OPCML: variants seen among roughly 807,000 people sequenced by gnomAD.
The protein encoded by OPCML is opioid-binding protein/cell adhesion molecule.
In OPCML, 13 loss-of-function variants were observed where a neutral mutation model predicts 37.8. The observed-to-expected ratio is 0.34, with a 90% confidence interval of 0.22 to 0.55. The LOEUF is 0.55. Among genes scored for constraint, OPCML ranks in the 20% least tolerant of loss-of-function variants. OPCML has a pLI of 0.91. For synonymous variants in OPCML, 176 were observed against 168.8 expected (o/e 1.04, Z -0.33); for missense variants, 341 against 435.6 (o/e 0.78, Z 1.93).
intron 3 of OPCML, among the ~76,000 whole-genome samples, chr11:132,654,121 G>A (rs1477603468): frequency 6.6e-6 from 1 of 152,200 alleles, no homozygotes; most frequent in Non-Finnish European, 1.5e-5. Flanking sequence ...ATGCTGCTGG[G>A]AGAAGAACTC....
At chr11:133,084,640 C>T (rs899179706) in intron 1 of OPCML, among the ~76,000 whole-genome samples, 2 of 152,206 alleles carry the variant, frequency 1.3e-5, no homozygotes, top group African/African-American at 4.8e-5. Context: ...GGCAGTCGGA[C>T]AGATAGGGCC....
At chr11:132,871,213 TAAAA>T (rs61664798) in intron 2 of OPCML, among the ~76,000 whole-genome samples, 5 of 144,002 alleles carry the variant, frequency 3.5e-5, no homozygotes, top group African/African-American at 1.3e-4. Context: ...TAACTTAATT[TAAAA>T]AAAAAAAAAA....
At chr11:132,552,452 A>T (rs1352697672) in intron 3 of OPCML, among the ~76,000 whole-genome samples, 2 of 152,188 alleles carry the variant, frequency 1.3e-5, no homozygotes, top group African/African-American at 4.8e-5. Flanking sequence ...AACAACTTCA[A>T]TCACTTGCTT....
At chr11:132,509,161 C>T (rs1349120646) in intron 4 of OPCML, among the ~76,000 whole-genome samples, 1 of 152,098 alleles carries the variant, frequency 6.6e-6, no homozygotes, top group African/African-American at 2.4e-5. Flanking sequence ...GCATTTTGTC[C>T]TTGTCCTACA....
rs1051625492 is a variant in OPCML at position 132,415,600 on chromosome 11, C to T, written c.*4593G>A. The T allele has an allele frequency of 3.3e-5, 5 of 152,100 alleles. No homozygotes were observed. Among genetic ancestry groups the T allele is most frequent in the East Asian group, 1.9e-4 (1 of 5,186 alleles). 9.4% of individuals were successfully genotyped at this position (152,100 alleles called of 1,614,324 possible). A position where few individuals can be genotyped will look rare whatever the true frequency, so the allele number is the denominator to read the frequency against. ...CCCAGTGGTGTGGAGCAACTCTGTG[C>T]CTTAAAGAGGGCACCATGGAAAGAA... On this transcript the variant is annotated 3_prime_UTR_variant, in exon 8 of 8. Coordinates refer to ENST00000524381, the MANE Select transcript of OPCML (RefSeq NM_001012393.5).
At chr11:133,257,132 C>T (rs934994800) in intron 1 of OPCML, among the ~76,000 whole-genome samples, 6 of 152,194 alleles carry the variant, frequency 3.9e-5, no homozygotes, top group Admixed American at 3.9e-4. Context: ...CTCCAGAACA[C>T]CACTGTCCTA....
At chr11:132,991,177 T>G (rs1033707696) in intron 1 of OPCML, among the ~76,000 whole-genome samples, 4 of 152,190 alleles carry the variant, frequency 2.6e-5, no homozygotes, top group African/African-American at 9.7e-5. Flanking sequence ...CCCCATAATT[T>G]AGCTATTATT....
At chr11:133,481,449 A>G (rs1244999707) in intron 1 of OPCML, among the ~76,000 whole-genome samples, 1 of 148,822 alleles carries the variant, frequency 6.7e-6, no homozygotes, top group Non-Finnish European at 1.5e-5. Flanking sequence ...TTAAAAAAAT[A>G]AATAAATAAA....
chr11:132,721,585 C>A (rs759256779), intron 2 of OPCML, among the ~76,000 whole-genome samples: 1 of 152,058 alleles, frequency 6.6e-6, no homozygotes, highest in Non-Finnish European at 1.5e-5. Context: ...AGAAGTGTTA[C>A]GATTCAGCTG....
chr11:132,898,845 C>G (rs533583422), intron 2 of OPCML, among the ~76,000 whole-genome samples: 62 of 151,744 alleles, frequency 4.1e-4, no homozygotes, highest in Admixed American at 7.9e-4. Context: ...ACTGCCCCCC[C>G]CACCCCCGCA....
intron 1 of OPCML, among the ~76,000 whole-genome samples, chr11:133,130,647 A>G (rs1211951444): frequency 6.6e-6 from 1 of 152,192 alleles, no homozygotes; most frequent in Non-Finnish European, 1.5e-5. Flanking sequence ...ACAATATTAA[A>G]GAAGAACAAA....
rs1280351007 is a variant in OPCML, at chr11:133,116,805, C to CATACATATATATATATATATAT, written c.62-173796_62-173795insATATATATATATATATATGTAT. Among the ~76,000 whole-genome samples, 1,415 of 143,958 alleles carry CATACATATATATATATATATAT rather than the reference C, an allele frequency of 9.8e-3. 37 individuals carry two copies. The highest frequency in any genetic ancestry group is 0.034 in the East Asian group (164 of 4,754). 94.4% of individuals were successfully genotyped at this position (143,958 alleles called of 152,430 possible). A position where few individuals can be genotyped will look rare whatever the true frequency, so the allele number is the denominator to read the frequency against. ...TGTGGGAAGATATTTTAAAACTATA[C>CATACATATATATATATATATAT]ATATATATATATGTATGTATCTTGT... is the stretch of plus-strand genomic sequence containing the variant. On this transcript the variant is annotated intron_variant, in intron 1 of 7. Coordinates refer to ENST00000524381, the MANE Select transcript of OPCML (RefSeq NM_001012393.5).
rs1245856399 is a variant in OPCML at position 132,943,467 on chromosome 11, C to A, written c.62-457G>T. The A allele has an allele frequency of 6.6e-6, 2 of 301,232 alleles. No homozygotes were observed. The highest frequency in any genetic ancestry group is 6.7e-5 in the East Asian group (1 of 14,938). The allele number at this position is 301,232 out of a possible 1,614,324, so 18.7% of individuals were successfully genotyped here. ...CGCTACTTTAAGATTCAGTTGGGCACGTTCTGCAGAGCTCTGGCATCAAAA... is the reference window on the plus strand; with the variant it reads ...CGCTACTTTAAGATTCAGTTGGGCAAGTTCTGCAGAGCTCTGGCATCAAAA... On this transcript the variant is annotated intron_variant, in intron 1 of 7. Coordinates refer to ENST00000524381, the MANE Select transcript of OPCML (RefSeq NM_001012393.5). The surrounding 1 kb of genome is among the most constrained non-coding windows in gnomAD (Gnocchi z 4.3).
At chr11:133,352,016 T>C (rs908086867) in intron 1 of OPCML, among the ~76,000 whole-genome samples, 1 of 152,210 alleles carries the variant, frequency 6.6e-6, no homozygotes, top group Admixed American at 6.5e-5. Context: ...GTTTTGCAAC[T>C]GTTTCTCAAT....
At chr11:133,326,452 TGTGTGTGTGGG>T (rs1389042095) in intron 1 of OPCML, among the ~76,000 whole-genome samples, 1 of 129,440 alleles carries the variant, frequency 7.7e-6, no homozygotes, top group Non-Finnish European at 1.6e-5. Flanking sequence ...TGTGTGTGTA[TGTGTGTGTGGG>T]GTGTGTGTGT....
At chr11:132,977,099 GATC>G (rs1463229540) in intron 1 of OPCML, among the ~76,000 whole-genome samples, 2 of 152,182 alleles carry the variant, frequency 1.3e-5, no homozygotes, top group African/African-American at 4.8e-5. Flanking sequence ...ATAGAAGTGG[GATC>G]ATCATCTCTT....
intron 3 of OPCML, among the ~76,000 whole-genome samples, chr11:132,536,707 T>C (rs1774104703): frequency 6.6e-6 from 1 of 152,222 alleles, no homozygotes; most frequent in Non-Finnish European, 1.5e-5. Context: ...TGCATTTTAA[T>C]AGAAATGTTT....
chr11:132,818,860 T>C (rs928990294), intron 2 of OPCML, among the ~76,000 whole-genome samples: 4 of 149,900 alleles, frequency 2.7e-5, no homozygotes, highest in African/African-American at 9.7e-5. Flanking sequence ...CACACCAAAA[T>C]GGCACATGTA....
At chr11:132,435,520 T>C (rs983661453) in intron 7 of OPCML, among the ~76,000 whole-genome samples, 1 of 152,210 alleles carries the variant, frequency 6.6e-6, no homozygotes, top group Non-Finnish European at 1.5e-5. Flanking sequence ...ATAGGGGCTT[T>C]AAAGGAGGTC....
Sources: allele counts gnomAD v4.1 joint callset (sites outside exome capture counted in the v4.1 genomes callset), GRCh38; gene constraint gnomAD v4.1.1; non-coding constraint Gnocchi (gnomAD v3.1); transcripts MANE v1.5; gene names NCBI Gene and HGNC (gene_info 2026-07-23, HGNC 2026-07-21).